SSH2: variants seen among roughly 807,000 people sequenced by gnomAD.
SSH2 encodes the protein protein phosphatase Slingshot homolog 2.
Under a neutral mutation model 135.2 loss-of-function variants are expected in SSH2, and 37 were observed. That is an observed-to-expected ratio of 0.27 (90% CI 0.21 to 0.36). The LOEUF is 0.36. Among genes scored for constraint, SSH2 ranks in the 10% least tolerant of loss-of-function variants. SSH2 has a pLI of 1.00. For missense variants in SSH2, 1,408 were observed against 1,765.3 expected (o/e 0.80, Z 3.63); for synonymous variants, 628 against 646.2 (o/e 0.97, Z 0.43).
At chr17:29,817,509 A>G (rs2042578403) in intron 2 of SSH2, among the ~76,000 whole-genome samples, 1 of 152,224 alleles carries the variant, frequency 6.6e-6, no homozygotes, top group Non-Finnish European at 1.5e-5. Flanking sequence ...TGCTTCATCC[A>G]TGATACTCAA....
At chr17:29,754,735 C>T (rs575496439) in intron 3 of SSH2, among the ~76,000 whole-genome samples, 50 of 152,230 alleles carry the variant, frequency 3.3e-4, no homozygotes, top group Non-Finnish European at 4.7e-4. Context: ...GGCACCATCT[C>T]GGCTCACTGC....
At chr17:29,928,305 C>T (rs1756512915) in intron 1 of SSH2, 1 of 378,800 alleles carries the variant, frequency 2.6e-6, no homozygotes, top group Admixed American at 4.5e-5. Flanking sequence ...AGATTTATTC[C>T]TATGATACTT....
chr17:29,667,184 G>A lies in SSH2; in HGVS notation c.849C>T (p.Thr283=), dbSNP rs760738989. 1 of 1,613,316 alleles carries A rather than the reference G, an allele frequency of 6.2e-7. No individual in the cohort carries two copies. The highest frequency in any genetic ancestry group is 8.5e-7 in the Non-Finnish European group (1 of 1,179,596). ...ERERTERLIK[T]KLREIMMQKD... ...TCTGCATCATGATCTCCCTTAATTT[G>A]GTTTTAATTAGCCTTTCTGTTCGTT... The change falls in exon 10 of 16, where the codon ACC becomes ACT. Residue 283 remains threonine, a synonymous_variant. Coordinates refer to ENST00000540801, the MANE Select transcript of SSH2 (RefSeq NM_001282129.2).
intron 2 of SSH2, among the ~76,000 whole-genome samples, chr17:29,810,274 C>T (rs1026745145): frequency 5.3e-5 from 8 of 152,244 alleles, no homozygotes; most frequent in African/African-American, 7.2e-5. Context: ...TTTTCACATA[C>T]GCAACCATTT....
intron 3 of SSH2, among the ~76,000 whole-genome samples, chr17:29,755,772 C>T (rs1462251823): frequency 6.6e-6 from 1 of 150,824 alleles, no homozygotes; most frequent in Non-Finnish European, 1.5e-5. Context: ...CGCCATTCTC[C>T]TGCCTCAGCC....
At chr17:29,843,559 G>GA (rs1313720457) in intron 2 of SSH2, among the ~76,000 whole-genome samples, 1,396 of 122,722 alleles carry the variant, frequency 0.011, 16 homozygotes, top group African/African-American at 0.03. Context: ...TCAGTCTCAA[G>GA]AAAAAAAAAA....
At chr17:29,896,634 C>T (rs1295309534) in intron 1 of SSH2, among the ~76,000 whole-genome samples, 4 of 151,422 alleles carry the variant, frequency 2.6e-5, no homozygotes, top group Admixed American at 2.6e-4. Context: ...CCCATTCCCA[C>T]TTTATTGCTG....
At chr17:29,928,184 A>T (rs2067103539) in intron 1 of SSH2, 1 of 194,866 alleles carries the variant, frequency 5.1e-6, no homozygotes, top group Admixed American at 6.0e-5. Context: ...AGGCCTAGTA[A>T]CCACAAACCA....
chr17:29,749,744 T>C (rs1415017242), intron 3 of SSH2, among the ~76,000 whole-genome samples: 1 of 152,220 alleles, frequency 6.6e-6, no homozygotes, highest in East Asian at 1.9e-4. Flanking sequence ...TGTTTGTTTT[T>C]TGAGATGGAG....
intron 6 of SSH2, among the ~76,000 whole-genome samples, chr17:29,682,039 C>T (rs1448702696): frequency 6.6e-6 from 1 of 152,202 alleles, no homozygotes; most frequent in African/African-American, 2.4e-5. Flanking sequence ...GCTAGTGACA[C>T]TGGTCAGATA....
In SSH2 at chr17:29,714,814, T is replaced by C. The variant is rs962392687; in HGVS notation, c.189-11752A>G. On this transcript the variant is annotated intron_variant, in intron 3 of 15. Coordinates refer to ENST00000540801, the MANE Select transcript of SSH2 (RefSeq NM_001282129.2). ...TAATTCCCATGTGCTCACTCCCTCT[T>C]CAAGCTGAGGGAGACTCCTAGACCC... Among the ~76,000 whole-genome samples, 14 of 152,156 alleles carry C rather than the reference T, an allele frequency of 9.2e-5. 2 individuals carry two copies. The East Asian group carries it at 1.2e-3, about 13-fold the overall frequency.
chr17:29,882,369 A>T (rs958406048), intron 1 of SSH2, among the ~76,000 whole-genome samples: 4 of 152,222 alleles, frequency 2.6e-5, no homozygotes, highest in African/African-American at 9.6e-5. Flanking sequence ...TGGCCTTAAG[A>T]TAGTAGCCTG....
chr17:29,922,659 T>C (rs537819075), intron 1 of SSH2, among the ~76,000 whole-genome samples: 210 of 152,104 alleles, frequency 1.4e-3, no homozygotes, highest in Non-Finnish European at 2.7e-3. Context: ...AAAATAAAAA[T>C]GAAATGAGGC....
chr17:29,710,096 G>A (rs954130955), intron 3 of SSH2, among the ~76,000 whole-genome samples: 4 of 152,212 alleles, frequency 2.6e-5, no homozygotes, highest in African/African-American at 9.6e-5. Context: ...AATGTGGCCA[G>A]GGTGATCATC....
In SSH2 at chr17:29,684,577, G is replaced by A; in HGVS notation, c.465C>T (p.Phe155=). 1 of 1,610,850 alleles carries A rather than the reference G, an allele frequency of 6.2e-7. No individual in the cohort carries two copies. ...TACCACCATACCTGTCATTAGAGGA[G>A]AAATCCATTCCTAGGACGATGCTTT... The part of the protein sequence containing the change: ...TEESIVLGMD[F]SSNDSSTCTM... The change falls in exon 6 of 16, where the codon TTC becomes TTT. Residue 155 remains phenylalanine (F), a synonymous_variant. Coordinates refer to ENST00000540801, the MANE Select transcript of SSH2 (RefSeq NM_001282129.2).
chr17:29,900,317 A>G (rs2151458324), intron 1 of SSH2, among the ~76,000 whole-genome samples: 1 of 152,314 alleles, frequency 6.6e-6, no homozygotes, highest in East Asian at 1.9e-4. Flanking sequence ...CTGCACAGCA[A>G]AAGAAACTAC....
intron 2 of SSH2, among the ~76,000 whole-genome samples, chr17:29,829,574 CTCTT>C (rs2042804658): frequency 1.3e-5 from 2 of 152,120 alleles, no homozygotes; most frequent in South Asian, 4.1e-4. Flanking sequence ...CTTGCCTGAC[CTCTT>C]TCTTCAGGGT....
At chr17:29,876,126 T>C (rs2066025988) in intron 1 of SSH2, among the ~76,000 whole-genome samples, 1 of 127,038 alleles carries the variant, frequency 7.9e-6, no homozygotes, top group Non-Finnish European at 1.7e-5. Context: ...TTCACAGAAA[T>C]AGGAAAAACC....
intron 1 of SSH2, among the ~76,000 whole-genome samples, chr17:29,878,945 A>G (rs1486172730): frequency 6.6e-6 from 1 of 152,238 alleles, no homozygotes; most frequent in African/African-American, 2.4e-5. Flanking sequence ...TCTGAAGTCA[A>G]TCACAGGAAA....
Sources: allele counts gnomAD v4.1 joint callset (sites outside exome capture counted in the v4.1 genomes callset), GRCh38; gene constraint gnomAD v4.1.1; transcripts MANE v1.5; gene names NCBI Gene and HGNC (gene_info 2026-07-23, HGNC 2026-07-21).